The following NOS1AP variants were observed in gnomAD, a reference collection of about 807,000 sequenced individuals.
NOS1AP encodes nitric oxide synthase 1 adaptor protein.
A neutral mutation model predicts 56.2 loss-of-function variants in NOS1AP; 21 were observed. That is an observed-to-expected ratio of 0.37 (90% CI 0.26 to 0.54). The LOEUF (loss-of-function observed/expected upper bound fraction) is 0.54, where lower values mean the gene tolerates loss of function less well. Ranked by LOEUF, NOS1AP falls within the 20% of genes least tolerant of loss-of-function variation. The probability of loss-of-function intolerance (pLI) is 0.84; values close to 1 mark genes in which losing one functional copy is unlikely to be tolerated. For synonymous variants in NOS1AP, 270 were observed against 274.6 expected (o/e 0.98, Z 0.17); for missense variants, 522 against 657.8 (o/e 0.79, Z 2.26).
At chr1:162,110,719 A>G (rs575445599) in intron 1 of NOS1AP, among the ~76,000 whole-genome samples, 167 of 152,370 alleles carry the variant, frequency 1.1e-3, no homozygotes, top group Non-Finnish European at 1.9e-3. Flanking sequence ...TGTGACAGGC[A>G]TGTTTGGAAA....
chr1:162,137,228 C>T (rs996330867), intron 1 of NOS1AP, among the ~76,000 whole-genome samples: 6 of 152,226 alleles, frequency 3.9e-5, no homozygotes, highest in African/African-American at 1.4e-4. Flanking sequence ...CATTTTCTTT[C>T]CATCTATCTC....
At chr1:162,280,214 C>T (rs1004294861) in intron 2 of NOS1AP, among the ~76,000 whole-genome samples, 3 of 152,072 alleles carry the variant, frequency 2.0e-5, no homozygotes, top group Non-Finnish European at 4.4e-5. Context: ...GTATGAATAC[C>T]TAATGCTTAG....
intron 1 of NOS1AP, among the ~76,000 whole-genome samples, chr1:162,136,064 G>A (rs10918728): frequency 0.24 from 35,798 of 152,058 alleles, 7,849 homozygotes; most frequent in African/African-American, 0.59. Context: ...GAAATAACCC[G>A]AGTTAGTACT....
intron 2 of NOS1AP, among the ~76,000 whole-genome samples, chr1:162,167,936 T>G (rs1203623745): frequency 6.6e-6 from 1 of 151,570 alleles, no homozygotes; most frequent in Non-Finnish European, 1.5e-5. Context: ...GGAACTGGTT[T>G]TATTTCTTTT....
chr1:162,296,850 A>G (rs1462056418), intron 3 of NOS1AP, among the ~76,000 whole-genome samples: 1 of 152,234 alleles, frequency 6.6e-6, no homozygotes, highest in Non-Finnish European at 1.5e-5. Flanking sequence ...CCTCTCCCTC[A>G]GTGTTGCCAC....
intron 3 of NOS1AP, among the ~76,000 whole-genome samples, chr1:162,287,812 C>T (rs1443602006): frequency 2.0e-5 from 3 of 152,178 alleles, no homozygotes; most frequent in African/African-American, 4.8e-5. Context: ...GAGGAGGCTT[C>T]CTCAGCAGCT....
chr1:162,330,485 G>A (rs1021044069), intron 4 of NOS1AP, among the ~76,000 whole-genome samples: 6 of 152,192 alleles, frequency 3.9e-5, no homozygotes, highest in Admixed American at 2.0e-4. Flanking sequence ...AAGTCTTGGC[G>A]GCCATCAAAG....
At chr1:162,195,118 G>A (rs1345191168) in intron 2 of NOS1AP, among the ~76,000 whole-genome samples, 1 of 152,094 alleles carries the variant, frequency 6.6e-6, no homozygotes, top group African/African-American at 2.4e-5. Context: ...AAATGGGATA[G>A]GGGTAGTATA....
intron 2 of NOS1AP, among the ~76,000 whole-genome samples, chr1:162,190,105 T>C (rs190331769): frequency 7.2e-5 from 11 of 152,350 alleles, no homozygotes; most frequent in Admixed American, 1.3e-4. Flanking sequence ...TGAGATTTTG[T>C]GGAGCTTAAC....
chr1:162,213,158 C>T (rs1375449385), intron 2 of NOS1AP, among the ~76,000 whole-genome samples: 1 of 152,154 alleles, frequency 6.6e-6, no homozygotes, highest in East Asian at 1.9e-4. Context: ...AACTTGAACA[C>T]CCTGGTACAT....
In NOS1AP at chr1:162,069,866, C is replaced by G. The variant is rs921853665; in HGVS notation, c.-312C>G. 3.0e-5 allele frequency: 5 copies of G among 164,338 alleles called. No homozygotes were observed. Among genetic ancestry groups the G allele is most frequent in the Admixed American group, 1.3e-4 (2 of 15,502 alleles). 10.2% of individuals were successfully genotyped at this position (164,338 alleles called of 1,614,324 possible). On this transcript the variant is annotated 5_prime_UTR_variant, in exon 1 of 10. Transcript: ENST00000361897. ...TCCCGCTTCGGGCCGCAAGCCCCAC[C>G]GCTCCCCTCCCCGGGCAGGGGCGCC...
chr1:162,279,439 C>T (rs1292292150), intron 2 of NOS1AP, among the ~76,000 whole-genome samples: 2 of 152,214 alleles, frequency 1.3e-5, no homozygotes, highest in Admixed American at 6.5e-5. Context: ...TCTCCTGACA[C>T]TGTGGAAATG....
intron 2 of NOS1AP, among the ~76,000 whole-genome samples, chr1:162,162,889 A>G (rs1258652130): frequency 6.6e-6 from 1 of 152,048 alleles, no homozygotes; most frequent in African/African-American, 2.4e-5. Flanking sequence ...AATCATCACC[A>G]CAATCAATTT....
In NOS1AP at chr1:162,263,774, C is replaced by T. The variant is rs143904530; in HGVS notation, c.178-23570C>T. Among the ~76,000 whole-genome samples the T allele has an allele frequency of 1.3e-4, 20 of 152,292 alleles. No homozygotes were observed. In the East Asian group the frequency reaches 3.3e-3, roughly 25 times the overall value. The stretch of plus-strand genomic sequence containing the variant: ...TCTCTTTTTGGATTTCTCAAAGACA[C>T]CTCAGAATCACTGTGTCCCAAATCA... On this transcript the variant is annotated intron_variant, in intron 2 of 9. Coordinates refer to ENST00000361897, the MANE Select transcript of NOS1AP (RefSeq NM_014697.3).
chr1:162,341,409 T>TTA (rs1197960950), intron 5 of NOS1AP, among the ~76,000 whole-genome samples: 1 of 152,216 alleles, frequency 6.6e-6, no homozygotes, highest in East Asian at 1.9e-4. Flanking sequence ...TTGCAGATAT[T>TTA]TATTCAGTAT....
At chr1:162,134,629 C>T (rs1464133929) in intron 1 of NOS1AP, among the ~76,000 whole-genome samples, 3 of 152,052 alleles carry the variant, frequency 2.0e-5, no homozygotes, top group Non-Finnish European at 4.4e-5. Flanking sequence ...GAATTCATCT[C>T]CCTCTCCAAC....
chr1:162,270,780 A>C (rs2101718315), intron 2 of NOS1AP, among the ~76,000 whole-genome samples: 1 of 152,352 alleles, frequency 6.6e-6, no homozygotes, highest in Non-Finnish European at 1.5e-5. Flanking sequence ...CTTTTGTCAA[A>C]ATATCACATG....
chr1:162,107,740 C>T (rs1346049328), intron 1 of NOS1AP, among the ~76,000 whole-genome samples: 1 of 152,106 alleles, frequency 6.6e-6, no homozygotes, highest in Non-Finnish European at 1.5e-5. Flanking sequence ...CAGAGAGGAA[C>T]AGACAGGAAC....
intron 2 of NOS1AP, among the ~76,000 whole-genome samples, chr1:162,236,797 G>A (rs543349848): frequency 6.6e-6 from 1 of 152,286 alleles, no homozygotes; most frequent in South Asian, 2.1e-4. Flanking sequence ...TATTGCAGAA[G>A]AGTCTGGCTG....
Sources: allele counts gnomAD v4.1 joint callset (sites outside exome capture counted in the v4.1 genomes callset), GRCh38; gene constraint gnomAD v4.1.1; transcripts MANE v1.5; gene names NCBI Gene and HGNC (gene_info 2026-07-23, HGNC 2026-07-21).